Variants in ADGRL3 observed in about 807,000 individuals in gnomAD.
ADGRL3 encodes the protein adhesion G protein-coupled receptor L3.
Under a neutral mutation model 153.5 loss-of-function variants are expected in ADGRL3, and 62 were observed. The observed-to-expected ratio is 0.40, with a 90% confidence interval of 0.33 to 0.50. The LOEUF is 0.50. ADGRL3 is among the 20% of genes least tolerant of loss of function. The pLI, the probability that ADGRL3 is intolerant of heterozygous loss-of-function variation, is 0.47. For synonymous variants in ADGRL3, 710 were observed against 672.5 expected (o/e 1.06, Z -0.86); for missense variants, 1,641 against 1,859.4 (o/e 0.88, Z 2.16).
At chr4:61,595,331 A>T (rs546960432) in intron 5 of ADGRL3, among the ~76,000 whole-genome samples, 2 of 152,234 alleles carry the variant, frequency 1.3e-5, no homozygotes, top group South Asian at 4.1e-4. Flanking sequence ...CCCCCTGGGT[A>T]TCAATGGTGG....
rs374893799 is a variant in ADGRL3 at position 61,694,041 on chromosome 4, A to G, written c.583+17106A>G. On this transcript the variant is annotated intron_variant, in intron 6 of 26. Coordinates refer to ENST00000683033, the MANE Select transcript of ADGRL3 (RefSeq NM_001387552.1). Reference sequence around the variant, plus strand: ...AATACTGAACAACAACAAAATACATATACAGAGTGTAATTCTCAAAAGATA... The same window carrying G: ...AATACTGAACAACAACAAAATACATGTACAGAGTGTAATTCTCAAAAGATA... Among the ~76,000 whole-genome samples, 39 of 152,254 alleles carry G rather than the reference A, an allele frequency of 2.6e-4. No individual in the cohort carries two copies. In the South Asian group the frequency reaches 7.5e-3, roughly 29 times the overall value.
chr4:61,479,231 C>T (rs539568972), intron 2 of ADGRL3, among the ~76,000 whole-genome samples: 1 of 151,956 alleles, frequency 6.6e-6, no homozygotes, highest in Admixed American at 6.5e-5. Context: ...CTTATATAAT[C>T]CCTGAGTATA....
intron 2 of ADGRL3, among the ~76,000 whole-genome samples, chr4:61,444,620 A>C (rs944161640): frequency 6.6e-6 from 1 of 152,000 alleles, no homozygotes; most frequent in African/African-American, 2.4e-5. Context: ...TCTCCCATGC[A>C]TATGTTCCCT....
At chr4:61,737,409 C>A (rs2096531635) in intron 8 of ADGRL3, among the ~76,000 whole-genome samples, 1 of 152,036 alleles carries the variant, frequency 6.6e-6, no homozygotes. Flanking sequence ...ATATAAAGAT[C>A]CTCTGGTGAC....
intron 25 of ADGRL3, among the ~76,000 whole-genome samples, chr4:62,066,078 A>G (rs1181073115): frequency 6.6e-6 from 1 of 152,080 alleles, no homozygotes; most frequent in East Asian, 1.9e-4. Flanking sequence ...TACACTATTT[A>G]ATGTTTTGAT....
intron 2 of ADGRL3, among the ~76,000 whole-genome samples, chr4:61,398,411 T>C (rs1488958088): frequency 7.4e-6 from 1 of 135,464 alleles, no homozygotes; most frequent in Non-Finnish European, 1.6e-5. Context: ...ATTATTCTTT[T>C]TTCACTGAGA....
chr4:61,395,803 A>G (rs2096861909), intron 2 of ADGRL3, among the ~76,000 whole-genome samples: 1 of 152,018 alleles, frequency 6.6e-6, no homozygotes. Context: ...ATGGACTTCA[A>G]TAAAATACAA....
At chr4:61,315,390 G>A (rs1040378566) in intron 1 of ADGRL3, among the ~76,000 whole-genome samples, 1 of 152,140 alleles carries the variant, frequency 6.6e-6, no homozygotes, top group Non-Finnish European at 1.5e-5. Context: ...CTGCTTATAG[G>A]AACAGAGTGG....
At position 61,495,516 on chromosome 4, in the gene ADGRL3, G is replaced by T. The variant is rs182331062; in HGVS notation, c.-173-1605G>T. On this transcript the variant is annotated intron_variant, in intron 2 of 26. Transcript: ENST00000683033. ...AAGGGGAAGGGAAGGGAAGGAAGGG[G>T]AAGGGAAGAGAATGGAAGGAAGAAA... is the stretch of plus-strand genomic sequence containing the variant. 5.9e-5 allele frequency among the ~76,000 whole-genome samples: 9 copies of T among 151,666 alleles called. No homozygotes were observed. In the East Asian group the frequency reaches 1.4e-3, roughly 23 times the overall value.
chr4:61,315,070 A>G (rs909045256), intron 1 of ADGRL3, among the ~76,000 whole-genome samples: 1 of 152,218 alleles, frequency 6.6e-6, no homozygotes, highest in Non-Finnish European at 1.5e-5. Context: ...AGGCTACCTA[A>G]GGAAGGGACA....
chr4:61,768,151 C>T (rs935125377), intron 8 of ADGRL3, among the ~76,000 whole-genome samples: 2 of 152,052 alleles, frequency 1.3e-5, no homozygotes, highest in Non-Finnish European at 2.9e-5. Flanking sequence ...GAAAAAGGAG[C>T]ATTAACCTTG....
chr4:61,840,967 T>G (rs2098021834), intron 9 of ADGRL3, among the ~76,000 whole-genome samples: 1 of 152,118 alleles, frequency 6.6e-6, no homozygotes, highest in African/African-American at 2.4e-5. Context: ...CTAATAGAGC[T>G]TTCTCCTCAA....
At chr4:61,203,748 T>C (rs1735869631) in intron 1 of ADGRL3, among the ~76,000 whole-genome samples, 1 of 152,238 alleles carries the variant, frequency 6.6e-6, no homozygotes, top group South Asian at 2.1e-4. Context: ...CTGTAATGAT[T>C]CTAAATGATC....
intron 8 of ADGRL3, among the ~76,000 whole-genome samples, chr4:61,739,487 A>G (rs1309346857): frequency 2.0e-5 from 3 of 152,094 alleles, no homozygotes; most frequent in African/African-American, 4.8e-5. Flanking sequence ...CACTGAACCC[A>G]GCCCATCTAC....
At chr4:61,808,435 T>C (rs2097574085) in intron 8 of ADGRL3, among the ~76,000 whole-genome samples, 1 of 152,196 alleles carries the variant, frequency 6.6e-6, no homozygotes, top group Admixed American at 6.5e-5. Flanking sequence ...AAGCATATAG[T>C]TGTTTCTCTG....
chr4:61,521,169 G>T (rs1285453642), intron 4 of ADGRL3, among the ~76,000 whole-genome samples: 1 of 152,124 alleles, frequency 6.6e-6, no homozygotes, highest in East Asian at 1.9e-4. Context: ...TTGTCTATTT[G>T]GTGGGTTAGA....
chr4:61,417,330 A>C (rs1020455926), intron 2 of ADGRL3, among the ~76,000 whole-genome samples: 4 of 152,036 alleles, frequency 2.6e-5, no homozygotes, highest in Middle Eastern at 3.2e-3. Flanking sequence ...CTCTACAAAT[A>C]AAATAATTAG....
rs547390619 is a variant in ADGRL3 at position 61,652,257 on chromosome 4, G to T, written c.474-24569G>T. 2.6e-5 allele frequency among the ~76,000 whole-genome samples: 4 copies of T among 152,022 alleles called. No homozygotes were observed. The East Asian group carries it at 7.7e-4, about 29-fold the overall frequency. ...AGTGCAAAGTTTTATAATTAAAATA[G>T]GATTTTGTTCATATTATTTCATAAA... is the stretch of plus-strand genomic sequence containing the variant. On this transcript the variant is annotated intron_variant, in intron 5 of 26. Coordinates refer to ENST00000683033, the MANE Select transcript of ADGRL3 (RefSeq NM_001387552.1).
intron 1 of ADGRL3, among the ~76,000 whole-genome samples, chr4:61,318,109 G>A (rs1303752745): frequency 4.7e-5 from 7 of 147,702 alleles, no homozygotes; most frequent in African/African-American, 1.7e-4. Context: ...CCTGGGGGGC[G>A]TAGGTTGCAG....
Sources: gnomAD v4.1 joint callset for allele counts (sites outside exome capture counted in the v4.1 genomes callset) on GRCh38, gnomAD v4.1.1 for gene constraint, MANE v1.5 for transcripts, NCBI Gene and HGNC (gene_info 2026-07-23, HGNC 2026-07-21) for gene names.